Variants in TRPM7 observed in about 807,000 individuals in gnomAD.
TRPM7 encodes LTRPC ion channel family member 7.
TRPM7 carries 134 observed loss-of-function variants against 229.7 expected under a neutral mutation model. That is an observed-to-expected ratio of 0.58 (90% CI 0.51 to 0.67). The LOEUF (loss-of-function observed/expected upper bound fraction) is 0.67, where lower values mean the gene tolerates loss of function less well. Ranked by LOEUF, TRPM7 falls within the 30% of genes least tolerant of loss-of-function variation. The probability of loss-of-function intolerance (pLI) is 0.00; values close to 1 mark genes in which losing one functional copy is unlikely to be tolerated. For synonymous variants in TRPM7, 699 were observed against 715.2 expected, an observed-to-expected ratio of 0.98 and a Z score of 0.36; for missense variants, 1,901 against 2,210.0, an observed-to-expected ratio of 0.86 and a Z score of 2.80.
chr15:50,686,379 G>T (rs1337985189), intron 1 of TRPM7, 152 bp downstream of exon 1: 8 of 1,308,440 alleles, frequency 6.1e-6, no homozygotes, highest in Middle Eastern at 1.8e-4. Context: ...CTGCACACCC[G>T]TCCCGAGAGG....
intron 19 of TRPM7, among the ~76,000 whole-genome samples, chr15:50,609,136 G>A (rs1244677384): frequency 6.6e-6 from 1 of 152,060 alleles, no homozygotes; most frequent in Non-Finnish European, 1.5e-5. Context: ...ATAAGCCACA[G>A]ATAAATAAAA....
At chr15:50,620,340 G>A (rs1057313110) in intron 12 of TRPM7, among the ~76,000 whole-genome samples, 4 of 148,458 alleles carry the variant, frequency 2.7e-5, no homozygotes, top group Admixed American at 1.3e-4. Flanking sequence ...ATCAGCTATC[G>A]TTAGTGTTAG....
At chr15:50,610,048 A>C (rs572606009) in intron 17 of TRPM7, 87 bp from the exon 18 acceptor site, 3 of 1,031,786 alleles carry the variant, frequency 2.9e-6, no homozygotes, top group Non-Finnish European at 4.0e-6. Context: ...AAAAACAATA[A>C]AAGATTTTAA....
Position 50,593,743 on chromosome 15 carries a change from A to G in TRPM7, c.3482T>C (p.Phe1161Ser). The change falls in exon 25 of 39, where the codon TTC (phenylalanine) becomes TCC (serine). Residue 1161 changes from phenylalanine to serine, a missense_variant. Around this residue, in one of 8 missense-constraint regions of TRPM7, gnomAD observed 533 missense variants for 497.1 expected, o/e 1.07. Transcript: ENST00000646667. ...KDKTSDGPKL[F>S]LTEEDQKKLH... Reference sequence around the variant, plus strand: ...TTTCTTTTGATCTTCTTCTGTTAAGAAAAGTTCTATGGGAGGAAAAGGAGA... The same window carrying G: ...TTTCTTTTGATCTTCTTCTGTTAAGGAAAGTTCTATGGGAGGAAAAGGAGA... The G allele has an allele frequency of 6.2e-7, 1 of 1,608,472 alleles. No individual in the cohort carries two copies. The highest frequency in any genetic ancestry group is 8.5e-7 in the Non-Finnish European group (1 of 1,178,602).
intron 1 of TRPM7, among the ~76,000 whole-genome samples, chr15:50,668,226 C>A (rs1169503100): frequency 6.6e-6 from 1 of 152,186 alleles, no homozygotes; most frequent in Non-Finnish European, 1.5e-5. Context: ...AAAAAACATT[C>A]AGGACTGTCA....
Position 50,624,151 on chromosome 15 carries a change from T to G in TRPM7, c.1440+15A>C. The G allele has an allele frequency of 6.3e-7, 1 of 1,589,396 alleles. No individual in the cohort carries two copies. The highest frequency in any genetic ancestry group is 8.5e-7 in the Non-Finnish European group (1 of 1,171,704). Reference sequence around the variant, plus strand: ...GATAAAATGTAGTCAATAAAGAATTTTAATGTAGACTTACAGTGTTGTAAA... The same window carrying G: ...GATAAAATGTAGTCAATAAAGAATTGTAATGTAGACTTACAGTGTTGTAAA... On this transcript the variant is annotated intron_variant, in intron 12 of 38. Transcript: ENST00000646667.
intron 3 of TRPM7, among the ~76,000 whole-genome samples, chr15:50,656,279 T>A (rs12593556): frequency 0.18 from 27,561 of 151,784 alleles, 3,226 homozygotes; most frequent in East Asian, 0.46. Flanking sequence ...GGGGCAAATA[T>A]GAAAGACTGT....
Position 50,586,486 on chromosome 15 carries a change from A to G in TRPM7, c.4392T>C (p.Asn1464=), listed in dbSNP as rs1478892831. Residue 1464 remains asparagine (N), a splice_region_variant and synonymous_variant, in exon 28 of 39, where the codon AAT becomes AAC. Transcript: ENST00000646667. ...ETSNKIKILS[N]NNTSENTLKR... The stretch of plus-strand genomic sequence containing the variant: ...TCAAAGTGTTTTCAGAAGTATTGTT[A>G]TTCTGCAAATATTGTGCAGACATAT... 6.3e-7 allele frequency: 1 copy of G among 1,596,982 alleles called. No homozygotes were observed. The highest frequency in any genetic ancestry group is 8.6e-7 in the Non-Finnish European group (1 of 1,164,944).
intron 31 of TRPM7, among the ~76,000 whole-genome samples, chr15:50,577,974 A>G (rs549523463): frequency 1.3e-5 from 2 of 152,220 alleles, no homozygotes; most frequent in Non-Finnish European, 2.9e-5. Context: ...TATATACTGT[A>G]CAATTTCATT....
At chr15:50,619,543 T>C (rs2060328379) in intron 13 of TRPM7, among the ~76,000 whole-genome samples, 1 of 151,992 alleles carries the variant, frequency 6.6e-6, no homozygotes, top group Non-Finnish European at 1.5e-5. Context: ...TTCCATAAAC[T>C]CTCTTTTTTT....
At chr15:50,594,328 T>C in intron 24 of TRPM7, 101 bp downstream of exon 24, 1 of 1,101,622 alleles carries the variant, frequency 9.1e-7, no homozygotes, top group Non-Finnish European at 1.3e-6. Flanking sequence ...ACCATAACAT[T>C]AATCCACTAA....
chr15:50,674,855 T>A (rs2062060397), intron 1 of TRPM7, among the ~76,000 whole-genome samples: 13 of 152,154 alleles, frequency 8.5e-5, no homozygotes, highest in Non-Finnish European at 1.5e-5. Flanking sequence ...GAATATATCA[T>A]CCCCTCTACT....
intron 4 of TRPM7, among the ~76,000 whole-genome samples, chr15:50,647,644 C>T (rs191883199): frequency 1.3e-5 from 2 of 152,172 alleles, no homozygotes; most frequent in Non-Finnish European, 2.9e-5. Context: ...ACTCTGGAGG[C>T]TGAGGCAGGA....
intron 1 of TRPM7, among the ~76,000 whole-genome samples, chr15:50,667,880 T>C (rs2061919071): frequency 6.6e-6 from 1 of 152,180 alleles, no homozygotes; most frequent in African/African-American, 2.4e-5. Context: ...TGAAATGGTG[T>C]TTGGCTTTCT....
intron 19 of TRPM7, 89 bp from the exon 20 acceptor site, chr15:50,607,417 A>G: frequency 8.8e-7 from 1 of 1,138,776 alleles, no homozygotes; most frequent in Non-Finnish European, 1.2e-6. Flanking sequence ...ACAAAAACAG[A>G]CATTAAATGA....
chr15:50,619,841 A>C, intron 12 of TRPM7, 43 bp from the exon 13 acceptor site: 1 of 1,494,994 alleles, frequency 6.7e-7, no homozygotes, highest in Non-Finnish European at 9.2e-7. Context: ...TTTTTCTTCT[A>C]AACTAATTTA....
chr15:50,654,724 C>T (rs552194769), intron 3 of TRPM7, among the ~76,000 whole-genome samples: 3 of 151,160 alleles, frequency 2.0e-5, no homozygotes, highest in South Asian at 2.1e-4. Flanking sequence ...ATGGGCTGGG[C>T]GCAGTGGCTC....
rs904516251 is a variant in TRPM7 at position 50,635,043 on chromosome 15, C to T, written c.833-487G>A. 6.6e-5 allele frequency among the ~76,000 whole-genome samples: 10 copies of T among 152,118 alleles called. No individual in the cohort carries two copies. The East Asian group carries it at 1.4e-3, about 21-fold the overall frequency. The stretch of plus-strand genomic sequence containing the variant: ...GAAATTAATGACAGTCTTGGCCGGG[C>T]GTGGTGGCTCATGCCTGTAATCCCA... On this transcript the variant is annotated intron_variant, in intron 7 of 38. Transcript: ENST00000646667.
intron 26 of TRPM7, among the ~76,000 whole-genome samples, chr15:50,591,296 T>C (rs2059486303): frequency 6.6e-6 from 1 of 152,184 alleles, no homozygotes; most frequent in Non-Finnish European, 1.5e-5. Context: ...GCACTGTTCT[T>C]TTCCAGTTGA....
Sources: allele counts gnomAD v4.1 joint callset (sites outside exome capture counted in the v4.1 genomes callset), GRCh38; gene constraint gnomAD v4.1.1; regional missense constraint gnomAD v4.1.1; transcripts MANE v1.5; gene names NCBI Gene and HGNC (gene_info 2026-07-23, HGNC 2026-07-21).